XPR1: variants seen among roughly 807,000 people sequenced by gnomAD.
XPR1 encodes the protein solute carrier family 53 member 1.
XPR1 carries 28 observed loss-of-function variants against 87.5 expected under a neutral mutation model. The ratio of observed to expected loss-of-function variants is 0.32; its 90% CI spans 0.24 to 0.44. The LOEUF is 0.44. Ranked by LOEUF, XPR1 falls within the 20% of genes least tolerant of loss-of-function variation. XPR1 has a pLI of 1.00. For missense variants in XPR1, 559 were observed against 862.3 expected, an observed-to-expected ratio of 0.65 and a Z score of 4.41; for synonymous variants, 300 against 306.1, an observed-to-expected ratio of 0.98 and a Z score of 0.21.
intron 2 of XPR1, among the ~76,000 whole-genome samples, chr1:180,704,312 A>G (rs1203637831): frequency 7.8e-6 from 1 of 127,710 alleles, no homozygotes; most frequent in Non-Finnish European, 1.6e-5. Context: ...ACTGGTGATC[A>G]TTGCCTAACC....
Position 180,806,466 on chromosome 1 carries a change from C to G in XPR1, c.598-8C>G. On this transcript the variant is annotated splice_polypyrimidine_tract_variant and splice_region_variant and intron_variant, in intron 5 of 14. Transcript: ENST00000367590. The stretch of plus-strand genomic sequence containing the variant: ...ACCTAACCAAAATGTAATAATTTGT[C>G]TTTCTAGGCTGTAGTGACCAATGAA... 6.2e-7 allele frequency: 1 copy of G among 1,611,844 alleles called. No individual in the cohort carries two copies. The highest frequency in any genetic ancestry group is 8.5e-7 in the Non-Finnish European group (1 of 1,178,576).
At chr1:180,637,308 AATT>A (rs1450313592) in intron 1 of XPR1, among the ~76,000 whole-genome samples, 1 of 152,124 alleles carries the variant, frequency 6.6e-6, no homozygotes, top group African/African-American at 2.4e-5. Context: ...TGAATCTATA[AATT>A]ATTATCTAGT....
intron 2 of XPR1, among the ~76,000 whole-genome samples, chr1:180,730,115 A>G (rs1166977014): frequency 6.6e-6 from 1 of 152,212 alleles, no homozygotes; most frequent in Non-Finnish European, 1.5e-5. Flanking sequence ...ATGGCTACCC[A>G]GTTATCCTAG....
chr1:180,809,383 T>C (rs533573976), intron 6 of XPR1, among the ~76,000 whole-genome samples: 4 of 152,322 alleles, frequency 2.6e-5, no homozygotes, highest in Non-Finnish European at 5.9e-5. Context: ...TCAAAACTTA[T>C]CAAATCGTAC....
chr1:180,632,679 C>T (rs1436206156), intron 1 of XPR1, among the ~76,000 whole-genome samples: 1 of 152,234 alleles, frequency 6.6e-6, no homozygotes, highest in East Asian at 1.9e-4. Context: ...AGCGCCCCCT[C>T]GCCAAGGTTA....
chr1:180,648,791 A>G (rs1371542582), intron 1 of XPR1, among the ~76,000 whole-genome samples: 2 of 152,290 alleles, frequency 1.3e-5, no homozygotes, highest in East Asian at 3.9e-4. Flanking sequence ...TACAGGTGTA[A>G]GCCACTGCGC....
At chr1:180,678,601 TCATA>T (rs1237353296) in intron 1 of XPR1, among the ~76,000 whole-genome samples, 2 of 152,214 alleles carry the variant, frequency 1.3e-5, no homozygotes, top group Non-Finnish European at 2.9e-5. Context: ...TTTTTGTACA[TCATA>T]CATCATTTTC....
intron 2 of XPR1, among the ~76,000 whole-genome samples, chr1:180,748,813 A>T (rs981081638): frequency 1.1e-4 from 16 of 152,234 alleles, no homozygotes; most frequent in Admixed American, 5.9e-4. Context: ...TCATATTGGT[A>T]GCTTGAAATC....
chr1:180,868,642 T>G lies in XPR1; in HGVS notation c.1668+4768T>G, dbSNP rs879836005. On this transcript the variant is annotated intron_variant, in intron 12 of 14. Transcript: ENST00000367590. Reference sequence around the variant, plus strand: ...TCTGTTGTTGGTGTGTAAGAATGCTTGTGATTTTTGCACATTGATTTTGTA... The same window carrying G: ...TCTGTTGTTGGTGTGTAAGAATGCTGGTGATTTTTGCACATTGATTTTGTA... Among the ~76,000 whole-genome samples the G allele has an allele frequency of 2.5e-3, 329 of 133,128 alleles. 3 individuals are homozygous for G. The highest frequency in any genetic ancestry group is 3.0e-3 in the Non-Finnish European group (190 of 63,916). The allele number at this position is 133,128 out of a possible 152,430, so 87.3% of individuals were successfully genotyped here. A position where few individuals can be genotyped will look rare whatever the true frequency, so the allele number is the denominator to read the frequency against.
At chr1:180,643,117 G>A (rs1490899399) in intron 1 of XPR1, among the ~76,000 whole-genome samples, 2 of 152,108 alleles carry the variant, frequency 1.3e-5, no homozygotes, top group African/African-American at 2.4e-5. Context: ...GAAGCATTAA[G>A]GATTTTAAAG....
intron 2 of XPR1, among the ~76,000 whole-genome samples, chr1:180,719,827 A>G (rs931541213): frequency 6.6e-5 from 10 of 152,216 alleles, no homozygotes; most frequent in Non-Finnish European, 1.3e-4. Flanking sequence ...TAAACTGTTC[A>G]GTCATTTCAT....
intron 3 of XPR1, 31 bp downstream of exon 3, chr1:180,787,885 G>A: frequency 6.9e-7 from 1 of 1,449,860 alleles, no homozygotes; most frequent in Non-Finnish European, 9.6e-7. Flanking sequence ...TTTTTTTGCT[G>A]CCGGGGAAGG....
intron 3 of XPR1, among the ~76,000 whole-genome samples, chr1:180,796,306 T>C (rs1649571762): frequency 6.6e-6 from 1 of 152,198 alleles, no homozygotes; most frequent in African/African-American, 2.4e-5. Flanking sequence ...GTATTTCTTA[T>C]TCTTTTTAAA....
intron 2 of XPR1, among the ~76,000 whole-genome samples, chr1:180,695,546 G>A (rs1657138080): frequency 6.6e-6 from 1 of 151,970 alleles, no homozygotes; most frequent in African/African-American, 2.4e-5. Flanking sequence ...GTTTTCTTCT[G>A]GTAGTTTTAT....
intron 7 of XPR1, 146 bp from the exon 8 acceptor site, chr1:180,824,607 G>C (rs980030430): frequency 5.0e-5 from 34 of 677,712 alleles, no homozygotes; most frequent in Middle Eastern, 4.1e-4. Context: ...TAGATAGATA[G>C]ATAGATGATA....
intron 13 of XPR1, 41 bp from the exon 14 acceptor site, chr1:180,880,035 T>A: frequency 6.2e-7 from 1 of 1,608,658 alleles, no homozygotes; most frequent in East Asian, 2.2e-5. Context: ...AGAAGTATGT[T>A]ACAATTTCAT....
chr1:180,655,667 C>G (rs1031944661), intron 1 of XPR1, among the ~76,000 whole-genome samples: 23 of 152,026 alleles, frequency 1.5e-4, no homozygotes, highest in African/African-American at 5.1e-4. Flanking sequence ...TATGCTAGAT[C>G]CAGTATTGTG....
At chr1:180,688,766 T>C (rs1160786622) in intron 2 of XPR1, among the ~76,000 whole-genome samples, 1 of 152,222 alleles carries the variant, frequency 6.6e-6, no homozygotes, top group Non-Finnish European at 1.5e-5. Flanking sequence ...AAATATCTTT[T>C]ACCTTTTCTC....
chr1:180,821,399 A>G (rs1470018987), intron 7 of XPR1, among the ~76,000 whole-genome samples: 1 of 152,196 alleles, frequency 6.6e-6, no homozygotes, highest in East Asian at 1.9e-4. Context: ...GTGCTATTCC[A>G]TTCATCTATA....
Sources: gnomAD v4.1 joint callset for allele counts (sites outside exome capture counted in the v4.1 genomes callset) on GRCh38, gnomAD v4.1.1 for gene constraint, MANE v1.5 for transcripts, NCBI Gene and HGNC (gene_info 2026-07-23, HGNC 2026-07-21) for gene names.